CFAP44: variants seen among roughly 807,000 people sequenced by gnomAD.
CFAP44 encodes the protein cilia and flagella associated protein 44.
Under a neutral mutation model 216.2 loss-of-function variants are expected in CFAP44, and 134 were observed. The ratio of observed to expected loss-of-function variants is 0.62; its 90% confidence interval spans 0.54 to 0.72. CFAP44 has a LOEUF of 0.72. Among genes scored for constraint, CFAP44 ranks in the 30% least tolerant of loss-of-function variants. The pLI, the probability that CFAP44 is intolerant of heterozygous loss-of-function variation, is 0.00. For missense variants in CFAP44, 2,035 were observed against 2,182.1 expected (o/e 0.93, Z 1.34); for synonymous variants, 700 against 727.6 (o/e 0.96, Z 0.61).
intron 15 of CFAP44, among the ~76,000 whole-genome samples, chr3:113,384,613 G>A (rs1933599512): frequency 1.3e-5 from 2 of 152,224 alleles, no homozygotes; most frequent in African/African-American, 4.8e-5. Context: ...AGATGACCAT[G>A]TGAGAACACA....
intron 5 of CFAP44, among the ~76,000 whole-genome samples, chr3:113,416,875 TG>T (rs987198202): frequency 2.0e-5 from 3 of 152,228 alleles, no homozygotes; most frequent in Admixed American, 6.5e-5. Flanking sequence ...TCATTGCCAT[TG>T]GAAGAGCTAG....
intron 6 of CFAP44, among the ~76,000 whole-genome samples, chr3:113,410,413 C>A (rs1934430507): frequency 6.6e-6 from 1 of 152,096 alleles, no homozygotes; most frequent in Non-Finnish European, 1.5e-5. Flanking sequence ...GTTTTTTGTC[C>A]TTGCAATAGT....
At chr3:113,319,271 A>G (rs894609066) in intron 28 of CFAP44, among the ~76,000 whole-genome samples, 1 of 152,164 alleles carries the variant, frequency 6.6e-6, no homozygotes, top group Non-Finnish European at 1.5e-5. Context: ...ACAAAAAAAG[A>G]GCAGGAGTTG....
intron 13 of CFAP44, among the ~76,000 whole-genome samples, chr3:113,397,885 G>A (rs1043201553): frequency 4.6e-5 from 7 of 152,100 alleles, no homozygotes; most frequent in Admixed American, 2.6e-4. Context: ...TTGGAAACAC[G>A]GAGTTCGAGG....
chr3:113,433,297 CA>C (rs993617145), intron 2 of CFAP44, among the ~76,000 whole-genome samples: 1 of 151,634 alleles, frequency 6.6e-6, no homozygotes, highest in Non-Finnish European at 1.5e-5. Context: ...GGTGTGGTAG[CA>C]GGCACCTGTA....
chr3:113,417,201 A>G (rs1934672217), intron 5 of CFAP44: 2 of 152,232 alleles, frequency 1.3e-5, no homozygotes, highest in African/African-American at 2.4e-5. Flanking sequence ...AATGTATGGG[A>G]TTCTTGTTTC....
rs549930106 is a variant in CFAP44 at position 113,352,779 on chromosome 3, C to A, written c.3065+5966G>T. Among the ~76,000 whole-genome samples the A allele has an allele frequency of 7.9e-5, 12 of 152,174 alleles. No homozygotes were observed. In the East Asian group the frequency reaches 2.3e-3, roughly 29 times the overall value. On this transcript the variant is annotated intron_variant, in intron 22 of 34. Coordinates refer to ENST00000393845, the MANE Select transcript of CFAP44 (RefSeq NM_001164496.2). ...CAGGCATATGAAAGGAAATGCTGAA[C>A]CCCACCAATAATAAAAAGGATGCAG...
At chr3:113,350,176 A>AAGAG (rs144560404) in intron 22 of CFAP44, among the ~76,000 whole-genome samples, 7 of 150,082 alleles carry the variant, frequency 4.7e-5, no homozygotes, top group Admixed American at 3.3e-4. Context: ...GCAGAGAGGA[A>AAGAG]AGAGAGAGAG....
chr3:113,400,475 CAT>C, intron 12 of CFAP44, 68 bp downstream of exon 12: 1 of 1,325,618 alleles, frequency 7.5e-7, no homozygotes, highest in Non-Finnish European at 1.0e-6. Context: ...AAGTCAAACA[CAT>C]ATAAAAATTT....
Position 113,308,190 on chromosome 3 carries a change from T to A in CFAP44, c.4595A>T (p.Asp1532Val), listed in dbSNP as rs1352607163. The change falls in exon 29 of 35, where the codon GAT becomes GTT. Residue 1532 changes from aspartate (D) to valine (V), a missense_variant. Around this residue, in one of 3 missense-constraint regions of CFAP44, gnomAD observed 1,883 missense variants for 2,023.7 expected, o/e 0.93. Coordinates refer to ENST00000393845, the MANE Select transcript of CFAP44 (RefSeq NM_001164496.2). ...GCAAATAGAATCATCAAAAACCTCA[T>A]CTTCTGATTCAGACTCATCTTCATC... is the stretch of plus-strand genomic sequence containing the variant. ...ESDEDESESEDEVFDDSICPT... is the reference protein window; with the variant it reads ...ESDEDESESEVEVFDDSICPT... The A allele has an allele frequency of 5.9e-6, 9 of 1,535,868 alleles. No homozygotes were observed. In the East Asian group the frequency reaches 2.0e-4, roughly 33 times the overall value.
chr3:113,368,370 C>T (rs920936991), intron 18 of CFAP44, among the ~76,000 whole-genome samples: 1 of 152,158 alleles, frequency 6.6e-6, no homozygotes. Flanking sequence ...AAGGGAAGAC[C>T]GTCAGACTAA....
Position 113,366,149 on chromosome 3 carries a change from C to T in CFAP44, c.2605G>A (p.Asp869Asn). The change falls in exon 19 of 35, where the codon GAT becomes AAT. Residue 869 changes from aspartate to asparagine, a missense_variant. This residue lies in a region of CFAP44 where 1,883 missense variants were observed against 2,023.7 expected (regional missense o/e 0.93). Coordinates refer to ENST00000393845, the MANE Select transcript of CFAP44 (RefSeq NM_001164496.2). ...GCIKSIANSF[D>N]DRFLVTAGAD... Reference sequence around the variant, plus strand: ...CCAGCAGTCACCAAGAAACGATCATCAAAGCTATTAGCAATACTTTTAATA... The same window carrying T: ...CCAGCAGTCACCAAGAAACGATCATTAAAGCTATTAGCAATACTTTTAATA... The T allele has an allele frequency of 6.2e-7, 1 of 1,613,988 alleles. No individual in the cohort carries two copies. Among genetic ancestry groups the T allele is most frequent in the Non-Finnish European group, 8.5e-7 (1 of 1,179,974 alleles).
At chr3:113,418,474 G>C (rs1576601896) in intron 5 of CFAP44, among the ~76,000 whole-genome samples, 1 of 152,108 alleles carries the variant, frequency 6.6e-6, no homozygotes, top group Non-Finnish European at 1.5e-5. Context: ...TTTCCAGGTA[G>C]GGTGCCCAAA....
intron 18 of CFAP44, among the ~76,000 whole-genome samples, chr3:113,370,949 A>G (rs200372032): frequency 0.076 from 11,368 of 150,518 alleles, 520 homozygotes; most frequent in East Asian, 0.14. Flanking sequence ...GACAAAGAGA[A>G]AGCCAAATCA....
chr3:113,432,555 G>C (rs1408246753), intron 2 of CFAP44, among the ~76,000 whole-genome samples: 1 of 151,940 alleles, frequency 6.6e-6, no homozygotes, highest in Non-Finnish European at 1.5e-5. Context: ...AAACAATATG[G>C]ATATACTGCT....
At chr3:113,401,057 G>A (rs1243687847) in intron 11 of CFAP44, among the ~76,000 whole-genome samples, 183 bp downstream of exon 11, 1 of 152,130 alleles carries the variant, frequency 6.6e-6, no homozygotes, top group Non-Finnish European at 1.5e-5. Flanking sequence ...TGTGTTATGA[G>A]ATAGATTCTT....
At chr3:113,361,305 G>A (rs1950538544) in intron 21 of CFAP44, 1 of 219,858 alleles carries the variant, frequency 4.5e-6, no homozygotes, top group Non-Finnish European at 9.9e-6. Context: ...TATTCAGCCT[G>A]AGCTAGTAAG....
intron 32 of CFAP44, among the ~76,000 whole-genome samples, chr3:113,300,525 A>C (rs1949924654): frequency 6.6e-6 from 1 of 151,298 alleles, no homozygotes. Flanking sequence ...ATAAAAATTG[A>C]AAACAAATTT....
chr3:113,326,304 TCTC>T lies in CFAP44; in HGVS notation c.4516+138_4516+140del, dbSNP rs1206048440. On this transcript the variant is annotated intron_variant, in intron 28 of 34. Coordinates refer to ENST00000393845, the MANE Select transcript of CFAP44 (RefSeq NM_001164496.2). ...TTGGAAGACCCTAAGGTTTATGTCT[TCTC>T]CTCTTTAGCCCCCACAGTGTCTCTA... The T allele has an allele frequency of 8.5e-6, 6 of 702,984 alleles. No individual in the cohort carries two copies. The African/African-American group carries it at 9.2e-5, about 11-fold the overall frequency. 43.5% of individuals were successfully genotyped at this position (702,984 alleles called of 1,614,324 possible).
Sources: allele counts gnomAD v4.1 joint callset (sites outside exome capture counted in the v4.1 genomes callset), GRCh38; gene constraint gnomAD v4.1.1; regional missense constraint gnomAD v4.1.1; transcripts MANE v1.5; gene names NCBI Gene and HGNC (gene_info 2026-07-23, HGNC 2026-07-21).